The following RBFOX1 variants were observed in gnomAD, a reference collection of about 807,000 sequenced individuals.
The protein encoded by RBFOX1 is RNA binding fox-1 homolog 1.
RBFOX1 carries 8 observed loss-of-function variants against 57.7 expected under a neutral mutation model. The ratio of observed to expected loss-of-function variants is 0.14; its 90% CI spans 0.08 to 0.25. The LOEUF (loss-of-function observed/expected upper bound fraction) is 0.25. Among genes scored for constraint, RBFOX1 ranks in the 10% least tolerant of loss-of-function variants. The pLI is 1.00. For synonymous variants in RBFOX1, 326 were observed against 222.4 expected (o/e 1.47, Z -4.15); for missense variants, 611 against 548.5 (o/e 1.11, Z -1.14).
At position 7,713,180 on chromosome 16, in the gene RBFOX1, G is replaced by A. The variant is rs2084249446; in HGVS notation, c.*2435G>A. On this transcript the variant is annotated 3_prime_UTR_variant, in exon 16 of 16. Transcript: ENST00000550418. ...TTATGGAAAATTAATATTATGTGTG[G>A]CATATAGTGACTTCTTAACACACAC... 6.6e-6 allele frequency: 1 copy of A among 152,052 alleles called. No individual in the cohort carries two copies. Among genetic ancestry groups the A allele is most frequent in the African/African-American group, 2.4e-5 (1 of 41,382 alleles). The allele number at this position is 152,052 out of a possible 1,614,324, so 9.4% of individuals were successfully genotyped here.
At chr16:7,633,400 T>C (rs965481025) in intron 11 of RBFOX1, among the ~76,000 whole-genome samples, 2 of 152,242 alleles carry the variant, frequency 1.3e-5, no homozygotes, top group Non-Finnish European at 2.9e-5. Flanking sequence ...ACCTGCACAT[T>C]ATATGCCATG....
intron 1 of RBFOX1, among the ~76,000 whole-genome samples, chr16:5,354,574 G>A (rs903845876): frequency 6.6e-6 from 1 of 152,208 alleles, no homozygotes; most frequent in African/African-American, 2.4e-5. Flanking sequence ...CTGGCTATTA[G>A]GATTTTTCTC....
At chr16:6,675,306 A>C (rs1393125924) in intron 3 of RBFOX1, among the ~76,000 whole-genome samples, 1 of 152,168 alleles carries the variant, frequency 6.6e-6, no homozygotes, top group Non-Finnish European at 1.5e-5. Flanking sequence ...ATCTGGCTTT[A>C]GGTATGCCTA....
At chr16:6,355,377 A>C (rs1192918084) in intron 2 of RBFOX1, among the ~76,000 whole-genome samples, 1 of 151,914 alleles carries the variant, frequency 6.6e-6, no homozygotes, top group Non-Finnish European at 1.5e-5. Context: ...GAGTGAGAAC[A>C]TGCGGTGTTT....
At chr16:7,073,187 G>A (rs1305513652) in intron 4 of RBFOX1, among the ~76,000 whole-genome samples, 1 of 152,162 alleles carries the variant, frequency 6.6e-6, no homozygotes, top group Non-Finnish European at 1.5e-5. Context: ...GGCTGTCTTT[G>A]TAGTCTGTGA....
intron 2 of RBFOX1, among the ~76,000 whole-genome samples, chr16:6,404,056 C>G (rs13330419): frequency 0.45 from 67,868 of 151,922 alleles, 15,899 homozygotes; most frequent in Non-Finnish European, 0.51. Flanking sequence ...TTTAACTCAC[C>G]TAGCCTATAC....
intron 3 of RBFOX1, among the ~76,000 whole-genome samples, chr16:6,823,929 G>A (rs1238523504): frequency 6.6e-6 from 1 of 152,160 alleles, no homozygotes; most frequent in Non-Finnish European, 1.5e-5. Context: ...AGAAATCAGT[G>A]TAAGAAACGG....
chr16:5,904,809 C>T lies in RBFOX1; in HGVS notation c.351+37474C>T, dbSNP rs528680139. Among the ~76,000 whole-genome samples the T allele has an allele frequency of 2.0e-3, 303 of 151,524 alleles. 1 individual carries two copies. The highest frequency in any genetic ancestry group is 6.9e-3 in the African/African-American group (285 of 41,308). ...TGGCTAACACAGTGAAACCCTGTCTCTACTAAAAATACAAAAAGTTAACCG... is the reference window on the plus strand; with the variant it reads ...TGGCTAACACAGTGAAACCCTGTCTTTACTAAAAATACAAAAAGTTAACCG... On this transcript the variant is annotated intron_variant, in intron 4 of 19. Transcript: ENST00000641259.
intron 1 of RBFOX1, among the ~76,000 whole-genome samples, chr16:6,211,999 A>G (rs940654694): frequency 6.6e-6 from 1 of 152,182 alleles, no homozygotes; most frequent in Middle Eastern, 3.4e-3. Context: ...ACAGGCACAC[A>G]GCGCCATGCC....
intron 3 of RBFOX1, among the ~76,000 whole-genome samples, chr16:6,959,794 G>A (rs866991007): frequency 1.3e-5 from 2 of 152,110 alleles, no homozygotes; most frequent in East Asian, 1.9e-4. Context: ...AAAATTAGCC[G>A]GGTGTGTTGG....
chr16:7,598,706 T>A (rs939740885), intron 9 of RBFOX1, among the ~76,000 whole-genome samples: 1 of 152,184 alleles, frequency 6.6e-6, no homozygotes, highest in Non-Finnish European at 1.5e-5. Flanking sequence ...TTTATGTGAA[T>A]GATATAAGGA....
At chr16:6,900,037 T>G (rs1381479630) in intron 3 of RBFOX1, among the ~76,000 whole-genome samples, 1 of 152,212 alleles carries the variant, frequency 6.6e-6, no homozygotes, top group Non-Finnish European at 1.5e-5. Context: ...CATCAACTTC[T>G]AGGGTTGTCG....
At chr16:6,356,641 C>T (rs571263002) in intron 2 of RBFOX1, among the ~76,000 whole-genome samples, 2 of 152,054 alleles carry the variant, frequency 1.3e-5, no homozygotes, top group Admixed American at 6.5e-5. Flanking sequence ...TAGCTGCAGC[C>T]AAGAGAAGCG....
At chr16:6,343,132 T>C (rs1294958909) in intron 2 of RBFOX1, among the ~76,000 whole-genome samples, 1 of 152,186 alleles carries the variant, frequency 6.6e-6, no homozygotes, top group Admixed American at 6.5e-5. Context: ...CTTTATTTCT[T>C]ATACCCCTCT....
intron 3 of RBFOX1, among the ~76,000 whole-genome samples, chr16:6,854,925 T>C (rs1259338151): frequency 6.6e-6 from 1 of 151,980 alleles, no homozygotes; most frequent in East Asian, 1.9e-4. Flanking sequence ...CTGGTTTCTA[T>C]ATGACAGAGG....
intron 1 of RBFOX1, among the ~76,000 whole-genome samples, chr16:6,042,782 G>C (rs749665291): frequency 5.9e-5 from 9 of 152,146 alleles, no homozygotes; most frequent in Non-Finnish European, 1.0e-4. Flanking sequence ...GTATACATTG[G>C]TTCAGCAAAG....
chr16:6,611,377 C>T (rs1192601770), intron 2 of RBFOX1, among the ~76,000 whole-genome samples: 2 of 152,248 alleles, frequency 1.3e-5, no homozygotes, highest in South Asian at 2.1e-4. Context: ...AAACTCCTGA[C>T]CTCAGGTGAT....
chr16:6,248,821 C>A (rs1226219171), intron 1 of RBFOX1, among the ~76,000 whole-genome samples: 2 of 152,132 alleles, frequency 1.3e-5, no homozygotes, highest in Admixed American at 6.6e-5. Context: ...TCCATAGCCA[C>A]ATGCATTAGC....
At chr16:5,786,461 C>A (rs1033827915) in intron 3 of RBFOX1, among the ~76,000 whole-genome samples, 6 of 152,106 alleles carry the variant, frequency 3.9e-5, no homozygotes, top group Admixed American at 1.3e-4. Flanking sequence ...GAAATAGTGA[C>A]AAGAGAGTGT....
Sources: gnomAD v4.1 joint callset for allele counts (sites outside exome capture counted in the v4.1 genomes callset) on GRCh38, gnomAD v4.1.1 for gene constraint, MANE v1.5 for transcripts, NCBI Gene and HGNC (gene_info 2026-07-23, HGNC 2026-07-21) for gene names.